Variants in IL21R observed in about 807,000 individuals in gnomAD.
IL21R encodes the protein interleukin 21 receptor.
In IL21R, 14 loss-of-function variants were observed where a neutral mutation model predicts 41.3. The observed-to-expected ratio is 0.34, with a 90% CI of 0.22 to 0.53. The LOEUF (loss-of-function observed/expected upper bound fraction) is 0.53, where lower values mean the gene tolerates loss of function less well. Ranked by LOEUF, IL21R falls within the 20% of genes least tolerant of loss-of-function variation. The probability of loss-of-function intolerance (pLI) is 0.94; values close to 1 mark genes in which losing one functional copy is unlikely to be tolerated. For synonymous variants in IL21R, 286 were observed against 287.6 expected (o/e 0.99, Z 0.05); for missense variants, 588 against 681.6 (o/e 0.86, Z 1.53).
chr16:27,443,141 G>A lies in IL21R; in HGVS notation c.507+25G>A, dbSNP rs745875892. ...GGTGAGGAATGTGGGGATCAGTGCA[G>A]CTTTGTGGGAGGGGAGGGGAGATGA... On this transcript the variant is annotated intron_variant, in intron 5 of 8. Transcript: ENST00000337929. The A allele has an allele frequency of 1.9e-6, 3 of 1,579,118 alleles. No individual in the cohort carries two copies. In the African/African-American group the frequency reaches 4.1e-5, roughly 21 times the overall value.
intron 4 of IL21R, among the ~76,000 whole-genome samples, chr16:27,438,455 T>A (rs1054572690): frequency 1.4e-4 from 21 of 152,048 alleles, no homozygotes; most frequent in African/African-American, 5.1e-4. Flanking sequence ...CAGGGCGAGG[T>A]GGCTCATGCC....
intron 7 of IL21R, 53 bp from the exon 8 acceptor site, chr16:27,445,954 G>A (rs771296870): frequency 6.9e-7 from 1 of 1,449,252 alleles, no homozygotes; most frequent in Non-Finnish European, 9.6e-7. Context: ...CGAATGGGAG[G>A]CCAGGCTGCC....
chr16:27,405,136 G>A (rs867293811), intron 1 of IL21R, among the ~76,000 whole-genome samples: 4 of 151,732 alleles, frequency 2.6e-5, no homozygotes, highest in Non-Finnish European at 4.4e-5. Context: ...AGGTTCAAGC[G>A]ATTCTCCTGC....
At chr16:27,437,988 C>T (rs1054377750) in intron 4 of IL21R, among the ~76,000 whole-genome samples, 3 of 152,264 alleles carry the variant, frequency 2.0e-5, no homozygotes, top group African/African-American at 4.8e-5. Context: ...CAGCTCTCCT[C>T]CTTCCATCAG....
chr16:27,409,966 A>T (rs1458379873), intron 1 of IL21R, among the ~76,000 whole-genome samples: 1 of 152,198 alleles, frequency 6.6e-6, no homozygotes, highest in Non-Finnish European at 1.5e-5. Context: ...CCAATCCATG[A>T]ACATAGTATG....
intron 4 of IL21R, among the ~76,000 whole-genome samples, chr16:27,440,248 T>TATATATATATAGAGAGAGAGAG (rs1352160946): frequency 3.3e-4 from 21 of 64,020 alleles, no homozygotes; most frequent in Non-Finnish European, 3.7e-4. Flanking sequence ...TATATATATA[T>TATATATATATAGAGAGAGAGAG]AGAGAGAGAG....
At chr16:27,435,511 T>G (rs1422852815) in intron 3 of IL21R, among the ~76,000 whole-genome samples, 1 of 151,948 alleles carries the variant, frequency 6.6e-6, no homozygotes, top group Non-Finnish European at 1.5e-5. Context: ...TGGAGTGCAG[T>G]GGTGGGATCA....
intron 4 of IL21R, among the ~76,000 whole-genome samples, chr16:27,438,548 G>A (rs2087314872): frequency 6.6e-6 from 1 of 151,986 alleles, no homozygotes; most frequent in Non-Finnish European, 1.5e-5. Context: ...AATATAGCGA[G>A]ACCTCATCTC....
In IL21R at chr16:27,448,725, G is replaced by C. The variant is rs374745479; in HGVS notation, c.1059G>C (p.Pro353=). Residue 353 remains proline (P), a synonymous_variant, in exon 9 of 9, where the codon CCG becomes CCC. Coordinates refer to ENST00000337929, the MANE Select transcript of IL21R (RefSeq NM_181078.3). ...SDGVPKPSFW[P]TAQNSGGSAY... is the part of the protein sequence containing the mutation. ...GTGTGCCCAAGCCCAGCTTCTGGCC[G>C]ACAGCCCAGAACTCGGGGGGCTCAG... The C allele has an allele frequency of 7.4e-6, 12 of 1,613,428 alleles. No individual in the cohort carries two copies. The highest frequency in any genetic ancestry group is 1.3e-5 in the African/African-American group (1 of 75,068).
At chr16:27,425,293 T>C (rs1030096329) in intron 1 of IL21R, among the ~76,000 whole-genome samples, 5 of 152,180 alleles carry the variant, frequency 3.3e-5, no homozygotes, top group Non-Finnish European at 7.4e-5. Context: ...GGGGATGGAT[T>C]CGGGGCAGAG....
rs376464640 is a variant in IL21R, at chr16:27,433,626, A to G, written c.50-721A>G. Among the ~76,000 whole-genome samples, 18 of 152,350 alleles carry G rather than the reference A, an allele frequency of 1.2e-4. 1 individual carries two copies. The East Asian group carries it at 2.3e-3, about 20-fold the overall frequency. ...TGCACCCCTGTTTTAGAACACAGCG[A>G]AACAATTAATGTTTGGGGAGCAGGA... On this transcript the variant is annotated intron_variant, in intron 2 of 8. Transcript: ENST00000337929.
chr16:27,430,278 G>A (rs981287221), intron 2 of IL21R, among the ~76,000 whole-genome samples, 158 bp downstream of exon 2: 3 of 152,232 alleles, frequency 2.0e-5, no homozygotes, highest in East Asian at 1.9e-4. Context: ...TCCAGTAGCC[G>A]GCTCTCCACT....
At chr16:27,414,677 A>T (rs149040084) in intron 1 of IL21R, among the ~76,000 whole-genome samples, 1 of 151,402 alleles carries the variant, frequency 6.6e-6, no homozygotes, top group Non-Finnish European at 1.5e-5. Flanking sequence ...TTTAAAAATT[A>T]TTATTCCATT....
intron 1 of IL21R, among the ~76,000 whole-genome samples, chr16:27,417,414 G>T (rs772295157): frequency 2.0e-5 from 3 of 152,038 alleles, no homozygotes; most frequent in Non-Finnish European, 4.4e-5. Flanking sequence ...CAACCCTCCC[G>T]CCTTGGCCTC....
rs148105665 is a variant in IL21R at position 27,449,970 on chromosome 16, T to C, written c.*687T>C. On this transcript the variant is annotated 3_prime_UTR_variant, in exon 9 of 9. Coordinates refer to ENST00000337929, the MANE Select transcript of IL21R (RefSeq NM_181078.3). ...CCCTCTCTGGGCTAGAGTTTCCTTA[T>C]CCAGACAGTGGGGAAGGCATGACAC... 5.1e-4 allele frequency: 120 copies of C among 233,194 alleles called. No homozygotes were observed. The highest frequency in any genetic ancestry group is 2.4e-3 in the African/African-American group (110 of 45,440). The allele number at this position is 233,194 out of a possible 1,614,324, so 14.4% of individuals were successfully genotyped here.
intron 1 of IL21R, chr16:27,403,195 A>T: frequency 7.4e-7 from 1 of 1,343,172 alleles, no homozygotes; most frequent in African/African-American, 1.5e-5. Context: ...CATCTTTCTC[A>T]TGAAGCACGG....
At chr16:27,420,020 T>G (rs1275196830) in intron 1 of IL21R, among the ~76,000 whole-genome samples, 2 of 151,974 alleles carry the variant, frequency 1.3e-5, no homozygotes, top group African/African-American at 2.4e-5. Flanking sequence ...CCTGAGTAGC[T>G]GGGACTACAG....
chr16:27,438,726 C>T (rs540496185), intron 4 of IL21R, among the ~76,000 whole-genome samples: 6 of 151,848 alleles, frequency 4.0e-5, no homozygotes, highest in South Asian at 2.1e-4. Context: ...AAAAATTTGC[C>T]GGGCGTGGTG....
intron 1 of IL21R, among the ~76,000 whole-genome samples, chr16:27,428,530 G>T (rs995258238): frequency 6.6e-6 from 1 of 152,262 alleles, no homozygotes; most frequent in Non-Finnish European, 1.5e-5. Flanking sequence ...TATAGGGGCT[G>T]GTCTGGGAGG....
Sources: gnomAD v4.1 joint callset for allele counts (sites outside exome capture counted in the v4.1 genomes callset) on GRCh38, gnomAD v4.1.1 for gene constraint, MANE v1.5 for transcripts, NCBI Gene and HGNC (gene_info 2026-07-23, HGNC 2026-07-21) for gene names.